TFAP2A: variants seen among roughly 807,000 people sequenced by gnomAD.
The protein encoded by TFAP2A is transcription factor AP-2 alpha.
TFAP2A carries 7 observed loss-of-function variants against 41.5 expected under a neutral mutation model. That is an observed-to-expected ratio of 0.17 (90% CI 0.10 to 0.32). The LOEUF is 0.32. TFAP2A is among the 10% of genes least tolerant of loss of function. TFAP2A has a pLI of 1.00. For missense variants in TFAP2A, 416 were observed against 563.3 expected, an observed-to-expected ratio of 0.74 and a Z score of 2.65; for synonymous variants, 247 against 242.8, an observed-to-expected ratio of 1.02 and a Z score of -0.16.
At position 10,396,924 on chromosome 6, in the gene TFAP2A, C is replaced by T. The variant is rs1027267354; in HGVS notation, c.*1493G>A. 4.6e-5 allele frequency: 7 copies of T among 152,430 alleles called. No individual in the cohort carries two copies. The highest frequency in any genetic ancestry group is 2.1e-4 in the South Asian group (1 of 4,826). The allele number at this position is 152,430 out of a possible 1,614,324, so 9.4% of individuals were successfully genotyped here. ...AAACAATGGGTTCAGCTGCTTATTG[C>T]AAGGAGCAATTGCCAAGGGAGAGTT... On this transcript the variant is annotated 3_prime_UTR_variant, in exon 7 of 7. Coordinates refer to ENST00000379613, the MANE Select transcript of TFAP2A (RefSeq NM_001372066.1).
intron 1 of TFAP2A, chr6:10,411,097 C>T (rs1757947899): frequency 6.7e-6 from 1 of 148,280 alleles, no homozygotes; most frequent in African/African-American, 2.6e-5. Context: ...GAAGAAACGC[C>T]TGACTTTAGG....
chr6:10,406,522 A>C (rs1757719417), intron 3 of TFAP2A: 1 of 511,908 alleles, frequency 2.0e-6, no homozygotes, highest in South Asian at 2.3e-5. Context: ...CTTCCAAATC[A>C]GTTCAACTAC....
At chr6:10,417,675 C>G (rs998021276), upstream of TFAP2A, among the ~76,000 whole-genome samples, 2 of 152,142 alleles carry the variant, frequency 1.3e-5, no homozygotes, top group South Asian at 4.2e-4. Flanking sequence ...GGGGCCAGAA[C>G]GACTCTCTTT....
At chr6:10,415,205 C>T (rs1000857661), upstream of TFAP2A, 45 of 1,472,798 alleles carry the variant, frequency 3.1e-5, no homozygotes, top group Non-Finnish European at 4.0e-5. Flanking sequence ...AGGAGAAGGG[C>T]GAGGAGGAGG....
intron 3 of TFAP2A, 163 bp from the exon 4 acceptor site, chr6:10,404,902 C>T (rs1298532114): frequency 4.4e-6 from 3 of 676,854 alleles, no homozygotes; most frequent in Non-Finnish European, 5.0e-6. Flanking sequence ...TACTTCCCTT[C>T]CTCGGGCTCG....
chr6:10,401,086 C>T (rs532718542), intron 5 of TFAP2A, among the ~76,000 whole-genome samples: 3 of 152,270 alleles, frequency 2.0e-5, no homozygotes, highest in East Asian at 3.9e-4. Context: ...TGTTGATTTT[C>T]GAATCTTTGG....
chr6:10,406,445 A>G (rs1192196855), intron 3 of TFAP2A: 1 of 347,574 alleles, frequency 2.9e-6, no homozygotes, highest in African/African-American at 2.1e-5. Flanking sequence ...TTTTAGCATT[A>G]TACACTTCTT....
At chr6:10,415,211 G>A (rs1028352585), upstream of TFAP2A, 7 of 1,480,544 alleles carry the variant, frequency 4.7e-6, no homozygotes, top group Middle Eastern at 4.7e-4. Context: ...AGGGCGAGGA[G>A]GAGGAGAGAA....
intron 2 of TFAP2A, chr6:10,409,394 T>C (rs1310304966): frequency 1.2e-5 from 2 of 165,788 alleles, no homozygotes; most frequent in South Asian, 1.6e-4. Context: ...TTAATCAGGA[T>C]AGGGTGTACA....
chr6:10,406,515 C>A, intron 3 of TFAP2A: 1 of 498,344 alleles, frequency 2.0e-6, no homozygotes, highest in South Asian at 2.3e-5. Flanking sequence ...AATGCCACTT[C>A]CAAATCAGTT....
chr6:10,398,428 G>A lies in TFAP2A; in HGVS notation c.1309C>T (p.His437Tyr). The A allele has an allele frequency of 6.2e-7, 1 of 1,614,184 alleles. No individual in the cohort carries two copies. The highest frequency in any genetic ancestry group is 8.5e-7 in the Non-Finnish European group (1 of 1,180,048). ...NAKSSDKEEK[H>Y]RK ...GCGGGAGGAGAGCCTCACTTTCTGT[G>A]CTTCTCCTCTTTGTCACTGCTTTTG... The change falls in exon 7 of 7, where the codon CAC becomes TAC. Residue 437 changes from histidine (H) to tyrosine (Y), a missense_variant. By Grantham distance (83) the His-to-Tyr change is moderately conservative. Coordinates refer to ENST00000379613, the MANE Select transcript of TFAP2A (RefSeq NM_001372066.1). The surrounding 1 kb of genome is among the most constrained non-coding windows in gnomAD (Gnocchi z 5.3).
At chr6:10,419,202 G>T (rs1405785591), upstream of TFAP2A, among the ~76,000 whole-genome samples, 1 of 152,192 alleles carries the variant, frequency 6.6e-6, no homozygotes, top group Admixed American at 6.5e-5. Context: ...GGCCCCGCGG[G>T]CTGCGCGCTT....
At chr6:10,403,430 G>A (rs1299955943) in intron 4 of TFAP2A, among the ~76,000 whole-genome samples, 3 of 152,208 alleles carry the variant, frequency 2.0e-5, no homozygotes, top group African/African-American at 7.2e-5. Flanking sequence ...CAAAGGGAAA[G>A]CAAAATGACT....
At chr6:10,414,749 A>C (rs1758170869) in intron 1 of TFAP2A, 192 bp downstream of exon 1, 1 of 768,328 alleles carries the variant, frequency 1.3e-6, no homozygotes, top group Non-Finnish European at 2.2e-6. Flanking sequence ...AAACCAAAGA[A>C]GGGAGCATCC....
intron 5 of TFAP2A, chr6:10,402,119 T>G: frequency 2.7e-6 from 1 of 366,064 alleles, no homozygotes; most frequent in Non-Finnish European, 5.3e-6. Context: ...ATTCCCAAAT[T>G]AATTCAGGAA....
At chr6:10,417,700 T>A (rs890714328), upstream of TFAP2A, among the ~76,000 whole-genome samples, 38 of 152,134 alleles carry the variant, frequency 2.5e-4, 2 homozygotes, top group Admixed American at 2.5e-3. Context: ...CGATTGTCAA[T>A]GCCCAGTGGG....
At chr6:10,404,817 C>T in intron 3 of TFAP2A, 78 bp from the exon 4 acceptor site, 1 of 1,310,966 alleles carries the variant, frequency 7.6e-7, no homozygotes, top group African/African-American at 1.5e-5. Flanking sequence ...GCCCTCATCC[C>T]GGCCAGGGCC....
Position 10,411,433 on chromosome 6 carries a change from G to A in TFAP2A, c.52-1098C>T, listed in dbSNP as rs1399995689. The A allele has an allele frequency of 7.0e-6, 10 of 1,420,722 alleles. No homozygotes were observed. In the African/African-American group the frequency reaches 9.9e-5, roughly 14 times the overall value. 88.0% of individuals were successfully genotyped at this position (1,420,722 alleles called of 1,614,324 possible). A position where few individuals can be genotyped will look rare whatever the true frequency, so the allele number is the denominator to read the frequency against. On this transcript the variant is annotated intron_variant, in intron 1 of 6. Coordinates refer to ENST00000379613, the MANE Select transcript of TFAP2A (RefSeq NM_001372066.1). Reference sequence around the variant, plus strand: ...AGAGCGAGAGAAAGGCGGAAGGTGGGGTGGGGGATGCAAATGGAGAGGGTG... The same window carrying A: ...AGAGCGAGAGAAAGGCGGAAGGTGGAGTGGGGGATGCAAATGGAGAGGGTG...
At chr6:10,406,964 A>G in intron 2 of TFAP2A, 120 bp from the exon 3 acceptor site, 1 of 817,812 alleles carries the variant, frequency 1.2e-6, no homozygotes, top group Non-Finnish European at 2.1e-6. Flanking sequence ...CCGTATAATG[A>G]CATTTATATA....
Sources: allele counts gnomAD v4.1 joint callset (sites outside exome capture counted in the v4.1 genomes callset), GRCh38; gene constraint gnomAD v4.1.1; non-coding constraint Gnocchi (gnomAD v3.1); transcripts MANE v1.5; gene names NCBI Gene and HGNC (gene_info 2026-07-23, HGNC 2026-07-21).